The following GTF2A1 variants were observed in gnomAD, a reference collection of about 807,000 sequenced individuals.
GTF2A1 encodes general transcription factor IIA subunit 1.
Under a neutral mutation model 54.1 loss-of-function variants are expected in GTF2A1, and 12 were observed. The observed-to-expected ratio is 0.22, with a 90% CI of 0.14 to 0.36. GTF2A1 has a LOEUF of 0.36. Ranked by LOEUF, GTF2A1 falls within the 10% of genes least tolerant of loss-of-function variation. The probability of loss-of-function intolerance (pLI) is 1.00; values close to 1 mark genes in which losing one functional copy is unlikely to be tolerated. For missense variants in GTF2A1, 335 were observed against 442.2 expected, an observed-to-expected ratio of 0.76 and a Z score of 2.17; for synonymous variants, 145 against 152.0, an observed-to-expected ratio of 0.95 and a Z score of 0.34.
At chr14:81,189,401 G>A (rs1231741602) in intron 7 of GTF2A1, among the ~76,000 whole-genome samples, 1 of 152,202 alleles carries the variant, frequency 6.6e-6, no homozygotes, top group East Asian at 1.9e-4. Flanking sequence ...GCCAGGCGCG[G>A]TGGCTCATGC....
In GTF2A1 at chr14:81,176,927, T is replaced by C. The variant is rs2140141410; in HGVS notation, c.*3296A>G. On this transcript the variant is annotated 3_prime_UTR_variant, in exon 9 of 9. Coordinates refer to ENST00000553612, the MANE Select transcript of GTF2A1 (RefSeq NM_015859.4). ...CATAAAGAGAACTCCCAAGAGGAAA[T>C]TATGTCTGTTTTCCTATACAAGGGG... is the stretch of plus-strand genomic sequence containing the variant. 1 of 152,110 alleles carries C rather than the reference T, an allele frequency of 6.6e-6. No homozygotes were observed. The highest frequency in any genetic ancestry group is 1.9e-4 in the East Asian group (1 of 5,170). The allele number at this position is 152,110 out of a possible 1,614,324, so 9.4% of individuals were successfully genotyped here.
At chr14:81,185,684 T>C in intron 7 of GTF2A1, 64 bp from the exon 8 acceptor site, 1 of 805,144 alleles carries the variant, frequency 1.2e-6, no homozygotes, top group Non-Finnish European at 2.1e-6. Flanking sequence ...AAAAAAAAAA[T>C]ATAATGACCT....
In GTF2A1 at chr14:81,220,477, C is replaced by CCA; in HGVS notation, c.30+10_30+11dup. 6.4e-7 allele frequency: 1 copy of CCA among 1,565,202 alleles called. No individual in the cohort carries two copies. The highest frequency in any genetic ancestry group is 1.4e-5 in the African/African-American group (1 of 72,972). ...AACGAAGCCCCCGCCGGCCACCGAA[C>CCA]CACGTCCTTACCACGGTGTTTGTAT... On this transcript the variant is annotated intron_variant, in intron 1 of 8. Transcript: ENST00000553612.
intron 4 of GTF2A1, among the ~76,000 whole-genome samples, chr14:81,200,118 T>C (rs925056674): frequency 6.6e-6 from 1 of 152,138 alleles, no homozygotes; most frequent in Non-Finnish European, 1.5e-5. Context: ...TCCTCGATAT[T>C]TGTGAATTTA....
chr14:81,220,482 T>C lies in GTF2A1; in HGVS notation c.30+7A>G. On this transcript the variant is annotated splice_region_variant and intron_variant, in intron 1 of 8. Coordinates refer to ENST00000553612, the MANE Select transcript of GTF2A1 (RefSeq NM_015859.4). ...AGCCCCCGCCGGCCACCGAACCACG[T>C]CCTTACCACGGTGTTTGTATTTGCC... 1.3e-6 allele frequency: 2 copies of C among 1,565,314 alleles called. No homozygotes were observed. Among genetic ancestry groups the C allele is most frequent in the Non-Finnish European group, 1.7e-6 (2 of 1,155,122 alleles).
At chr14:81,197,326 C>T in intron 5 of GTF2A1, 83 bp downstream of exon 5, 1 of 703,744 alleles carries the variant, frequency 1.4e-6, no homozygotes, top group Admixed American at 3.0e-5. Flanking sequence ...TATTTTCTGT[C>T]TTTCAAAGAA....
At chr14:81,181,167 G>C (rs73342283) in intron 8 of GTF2A1, among the ~76,000 whole-genome samples, 1 of 152,156 alleles carries the variant, frequency 6.6e-6, no homozygotes, top group Non-Finnish European at 1.5e-5. Context: ...CTTATAGTCC[G>C]TAGTTGTTTG....
intron 7 of GTF2A1, among the ~76,000 whole-genome samples, chr14:81,188,183 G>C (rs948022815): frequency 6.6e-6 from 1 of 152,040 alleles, no homozygotes; most frequent in Non-Finnish European, 1.5e-5. Flanking sequence ...TTATCTTTTT[G>C]TTGTTACGCT....
intron 2 of GTF2A1, among the ~76,000 whole-genome samples, chr14:81,207,393 G>A (rs954956764): frequency 1.3e-5 from 2 of 152,100 alleles, no homozygotes; most frequent in African/African-American, 4.8e-5. Flanking sequence ...CGTAAGAAGA[G>A]CCTTTCACCT....
In GTF2A1 at chr14:81,177,016, G is replaced by C. The variant is rs1892543198; in HGVS notation, c.*3207C>G. 6.6e-6 allele frequency: 1 copy of C among 151,940 alleles called. No homozygotes were observed. The highest frequency in any genetic ancestry group is 2.4e-5 in the African/African-American group (1 of 41,382). The allele number at this position is 151,940 out of a possible 1,614,324, so 9.4% of individuals were successfully genotyped here. A position where few individuals can be genotyped will look rare whatever the true frequency, so the allele number is the denominator to read the frequency against. ...GAGAATCAAAAATAGTATACTCTTA[G>C]AGGGAGACAACTCTTTTCATTCCTC... On this transcript the variant is annotated 3_prime_UTR_variant, in exon 9 of 9. Transcript: ENST00000553612.
At position 81,211,875 on chromosome 14, in the gene GTF2A1, T is replaced by TCATATATATATATATA. The variant is rs1419902730; in HGVS notation, c.132+4537_132+4538insTATATATATATATATG. Among the ~76,000 whole-genome samples the TCATATATATATATATA allele has an allele frequency of 5.0e-4, 34 of 68,492 alleles. 1 individual carries two copies. The highest frequency in any genetic ancestry group is 1.6e-3 in the African/African-American group (32 of 19,828). 44.9% of individuals were successfully genotyped at this position (68,492 alleles called of 152,430 possible). On this transcript the variant is annotated intron_variant, in intron 2 of 8. Transcript: ENST00000553612. ...ACATAATTAGAGTGTATCAAGTACTTTATATATATATATATATATATATAT... is the reference window on the plus strand; with the variant it reads ...ACATAATTAGAGTGTATCAAGTACTTCATATATATATATATATATATATATATATATATATATATAT...
intron 2 of GTF2A1, chr14:81,204,314 C>A (rs1262295870): frequency 1.4e-6 from 1 of 703,158 alleles, no homozygotes; most frequent in East Asian, 2.6e-5. Context: ...CATCAGAGTA[C>A]TGAAGATTTT....
chr14:81,201,670 C>G lies in GTF2A1; in HGVS notation c.338-12G>C, dbSNP rs763425316. ...TTGTGGTGCTGTGGCTACAAAAAAA[C>G]AAGCGAACATGCAAACAAGGAACCA... On this transcript the variant is annotated splice_polypyrimidine_tract_variant and intron_variant, in intron 3 of 8. Coordinates refer to ENST00000553612, the MANE Select transcript of GTF2A1 (RefSeq NM_015859.4). The G allele has an allele frequency of 6.3e-7, 1 of 1,596,382 alleles. No homozygotes were observed. The highest frequency in any genetic ancestry group is 1.1e-5 in the South Asian group (1 of 90,606).
intron 2 of GTF2A1, among the ~76,000 whole-genome samples, chr14:81,205,112 A>AT (rs1893201471): frequency 1.3e-5 from 2 of 151,218 alleles, no homozygotes; most frequent in Admixed American, 6.6e-5. Context: ...GAGTTTCTTT[A>AT]TTTTTTTATT....
intron 7 of GTF2A1, 129 bp from the exon 8 acceptor site, chr14:81,185,749 T>C (rs929862861): frequency 1.4e-5 from 7 of 502,738 alleles, no homozygotes; most frequent in Admixed American, 3.7e-5. Flanking sequence ...ATGAATTTAA[T>C]ATTGTCAAAT....
At position 81,185,389 on chromosome 14, in the gene GTF2A1, T is replaced by G. The variant is rs1378809099; in HGVS notation, c.1023+142A>C. 3 of 484,492 alleles carry G rather than the reference T, an allele frequency of 6.2e-6. No individual in the cohort carries two copies. In the African/African-American group the frequency reaches 6.5e-5, roughly 10 times the overall value. 30.0% of individuals were successfully genotyped at this position (484,492 alleles called of 1,614,324 possible). A position where few individuals can be genotyped will look rare whatever the true frequency, so the allele number is the denominator to read the frequency against. ...ATTCTATTAAAATAATCCACAAAAC[T>G]CTAACAGGGTTTTCGTACTATTCAT... On this transcript the variant is annotated intron_variant, in intron 8 of 8. Transcript: ENST00000553612.
intron 6 of GTF2A1, among the ~76,000 whole-genome samples, chr14:81,195,245 T>C (rs1165358620): frequency 6.7e-6 from 1 of 149,230 alleles, no homozygotes; most frequent in Non-Finnish European, 1.5e-5. Flanking sequence ...TGACAAATCA[T>C]GGACAGTATG....
intron 2 of GTF2A1, among the ~76,000 whole-genome samples, chr14:81,215,445 T>C (rs1401637966): frequency 6.6e-6 from 1 of 152,126 alleles, no homozygotes; most frequent in Non-Finnish European, 1.5e-5. Context: ...TTGGGGAGAA[T>C]CCAGGGCTCC....
intron 5 of GTF2A1, 69 bp downstream of exon 5, chr14:81,197,339 CA>C: frequency 2.6e-6 from 2 of 762,072 alleles, no homozygotes; most frequent in Non-Finnish European, 4.3e-6. Context: ...TCAAAGAAGA[CA>C]AAACCTAAGG....
Sources: gnomAD v4.1 joint callset for allele counts (sites outside exome capture counted in the v4.1 genomes callset) on GRCh38, gnomAD v4.1.1 for gene constraint, MANE v1.5 for transcripts, NCBI Gene and HGNC (gene_info 2026-07-23, HGNC 2026-07-21) for gene names.